The following SWT1 variants were observed in gnomAD, a reference collection of about 807,000 sequenced individuals.
The protein encoded by SWT1 is SWT1 RNA endoribonuclease homolog, also known as transcriptional protein SWT1.
In SWT1, 33 loss-of-function variants were observed where a neutral mutation model predicts 107.3. The observed-to-expected ratio is 0.31, with a 90% CI of 0.23 to 0.41. The LOEUF (loss-of-function observed/expected upper bound fraction) is 0.41. Ranked by LOEUF, SWT1 falls within the 10% of genes least tolerant of loss-of-function variation. The probability of loss-of-function intolerance (pLI) is 1.00; values close to 1 mark genes in which losing one functional copy is unlikely to be tolerated. For missense variants in SWT1, 898 were observed against 1,028.9 expected, an observed-to-expected ratio of 0.87 and a Z score of 1.74; for synonymous variants, 345 against 348.3, an observed-to-expected ratio of 0.99 and a Z score of 0.11.
At chr1:185,183,944 C>T (rs1012663653) in intron 7 of SWT1, among the ~76,000 whole-genome samples, 1 of 152,186 alleles carries the variant, frequency 6.6e-6, no homozygotes, top group African/African-American at 2.4e-5. Flanking sequence ...CAACCCTTAC[C>T]TTCTCTGCCC....
At chr1:185,264,190 CT>C (rs1313959906) in intron 16 of SWT1, 5,315 of 217,968 alleles carry the variant, frequency 0.024, 18 homozygotes, top group African/African-American at 0.031. Context: ...TTTGGCGCCT[CT>C]TTTTTTTTTT....
At chr1:185,237,193 G>T (rs777862386) in intron 16 of SWT1, among the ~76,000 whole-genome samples, 2 of 152,070 alleles carry the variant, frequency 1.3e-5, no homozygotes, top group African/African-American at 4.8e-5. Context: ...CAGCAATCCC[G>T]TTCCTGGGTA....
rs758411184 is a variant in SWT1, at chr1:185,204,752, G to C, written c.1722G>C (p.Leu574=). Residue 574 remains leucine, a synonymous_variant, in exon 12 of 19, where the codon CTG becomes CTC. Transcript: ENST00000367500. ...SYKEESTNSG[L]SILLESIVSD... ...AGGAGGAATCTACAAATTCTGGACTGTCCATTCTGCTTGAGAGCATTGTAT... is the reference window on the plus strand; with the variant it reads ...AGGAGGAATCTACAAATTCTGGACTCTCCATTCTGCTTGAGAGCATTGTAT... The C allele has an allele frequency of 6.2e-7, 1 of 1,602,400 alleles. No individual in the cohort carries two copies. The highest frequency in any genetic ancestry group is 1.1e-5 in the South Asian group (1 of 89,008).
chr1:185,212,696 G>A (rs1038858065), intron 13 of SWT1, among the ~76,000 whole-genome samples: 25 of 151,936 alleles, frequency 1.6e-4, no homozygotes, highest in Middle Eastern at 3.4e-3. Flanking sequence ...CCAGCTACTC[G>A]GGAGGCTGAG....
At chr1:185,276,193 ATATT>A (rs1664228188) in intron 17 of SWT1, among the ~76,000 whole-genome samples, 1 of 152,166 alleles carries the variant, frequency 6.6e-6, no homozygotes, top group African/African-American at 2.4e-5. Flanking sequence ...TCTGATATAG[ATATT>A]TATTAACTTA....
intron 13 of SWT1, among the ~76,000 whole-genome samples, chr1:185,209,239 T>C (rs1237530171): frequency 6.6e-6 from 1 of 152,106 alleles, no homozygotes; most frequent in East Asian, 1.9e-4. Context: ...TATTTATTTA[T>C]TATTATACGT....
intron 18 of SWT1, among the ~76,000 whole-genome samples, chr1:185,284,435 C>T (rs984362500): frequency 6.6e-6 from 1 of 152,182 alleles, no homozygotes; most frequent in South Asian, 2.1e-4. Context: ...GCTGCTTTCC[C>T]CATACCTAAG....
At chr1:185,278,477 C>T (rs1664398249) in intron 18 of SWT1, among the ~76,000 whole-genome samples, 1 of 152,166 alleles carries the variant, frequency 6.6e-6, no homozygotes, top group South Asian at 2.1e-4. Flanking sequence ...TTAATTATGG[C>T]AGCCTGGACA....
intron 13 of SWT1, among the ~76,000 whole-genome samples, chr1:185,212,693 C>T (rs538893624): frequency 1.3e-5 from 2 of 151,842 alleles, no homozygotes; most frequent in South Asian, 2.1e-4. Context: ...ATCCCAGCTA[C>T]TCGGGAGGCT....
chr1:185,157,499 G>C (rs1300868307), intron 1 of SWT1, 185 bp downstream of exon 1: 1 of 152,674 alleles, frequency 6.5e-6, no homozygotes, highest in African/African-American at 2.4e-5. Context: ...GTTCTGGCCC[G>C]GCTTGCCTCC....
At chr1:185,196,593 A>C (rs1657412056) in intron 10 of SWT1, among the ~76,000 whole-genome samples, 1 of 152,140 alleles carries the variant, frequency 6.6e-6, no homozygotes, top group Non-Finnish European at 1.5e-5. Flanking sequence ...CCATTTTCAC[A>C]ATACTGATTC....
At chr1:185,232,055 G>A (rs938702130) in intron 16 of SWT1, among the ~76,000 whole-genome samples, 1 of 151,956 alleles carries the variant, frequency 6.6e-6, no homozygotes, top group African/African-American at 2.4e-5. Flanking sequence ...TCTCTTGAAT[G>A]GTTTTTGCAA....
chr1:185,208,933 C>G (rs1658548786), intron 13 of SWT1, among the ~76,000 whole-genome samples: 3 of 151,966 alleles, frequency 2.0e-5, no homozygotes, highest in Admixed American at 2.0e-4. Flanking sequence ...GCCTGAGGCT[C>G]AAAGTCAGAG....
intron 16 of SWT1, among the ~76,000 whole-genome samples, chr1:185,260,535 GTGTCCATTAGAT>G (rs544753468): frequency 2.6e-4 from 40 of 152,260 alleles, no homozygotes; most frequent in African/African-American, 9.6e-4. Context: ...TGGTTTAAAA[GTGTCCATTAGAT>G]TGAAAAGCAC....
At chr1:185,175,194 T>A in intron 5 of SWT1, 81 bp downstream of exon 5, 1 of 1,128,636 alleles carries the variant, frequency 8.9e-7, no homozygotes, top group African/African-American at 1.6e-5. Flanking sequence ...ATTTCTATAT[T>A]TTTTTCTGTT....
At chr1:185,179,080 G>A (rs544946576) in intron 5 of SWT1, among the ~76,000 whole-genome samples, 1 of 152,220 alleles carries the variant, frequency 6.6e-6, no homozygotes, top group African/African-American at 2.4e-5. Flanking sequence ...AGACCAGCTT[G>A]GCCAACATGG....
chr1:185,285,926 C>CT (rs1267065794), intron 18 of SWT1, among the ~76,000 whole-genome samples: 1 of 152,170 alleles, frequency 6.6e-6, no homozygotes, highest in Admixed American at 6.5e-5. Flanking sequence ...TGTCTGTCTG[C>CT]TCATACCAAA....
rs1448597662 is a variant in SWT1 at position 185,254,501 on chromosome 1, G to T, written c.2442-16822G>T. Reference sequence around the variant, plus strand: ...AGAGATTCAACTTCTTCCTGGTTTAGTCTTGGGAGAGTGTATGTGTCGAGG... The same window carrying T: ...AGAGATTCAACTTCTTCCTGGTTTATTCTTGGGAGAGTGTATGTGTCGAGG... On this transcript the variant is annotated intron_variant, in intron 16 of 18. Transcript: ENST00000367500. Among the ~76,000 whole-genome samples the T allele has an allele frequency of 1.1e-3, 162 of 143,258 alleles. 1 individual carries two copies. The highest frequency in any genetic ancestry group is 4.1e-3 in the African/African-American group (152 of 37,126). 94.0% of individuals were successfully genotyped at this position (143,258 alleles called of 152,430 possible).
At chr1:185,280,449 T>G (rs1664545440) in intron 18 of SWT1, among the ~76,000 whole-genome samples, 1 of 152,188 alleles carries the variant, frequency 6.6e-6, no homozygotes, top group Non-Finnish European at 1.5e-5. Context: ...GATAATCTTT[T>G]GTTCTAATCT....
Sources: gnomAD v4.1 joint callset for allele counts (sites outside exome capture counted in the v4.1 genomes callset) on GRCh38, gnomAD v4.1.1 for gene constraint, MANE v1.5 for transcripts, NCBI Gene and HGNC (gene_info 2026-07-23, HGNC 2026-07-21) for gene names.